The following DAB2IP variants were observed in gnomAD, a reference collection of about 807,000 sequenced individuals.
DAB2IP encodes the protein disabled homolog 2-interacting protein.
DAB2IP carries 28 observed loss-of-function variants against 107.2 expected under a neutral mutation model. That is an observed-to-expected ratio of 0.26 (90% CI 0.19 to 0.36). The LOEUF (loss-of-function observed/expected upper bound fraction) is 0.36, where lower values mean the gene tolerates loss of function less well. DAB2IP is among the 10% of genes least tolerant of loss of function. The probability of loss-of-function intolerance (pLI) is 1.00; values close to 1 mark genes in which losing one functional copy is unlikely to be tolerated. For synonymous variants in DAB2IP, 755 were observed against 706.4 expected (o/e 1.07, Z -1.09); for missense variants, 1,400 against 1,644.7 (o/e 0.85, Z 2.57).
chr9:121,775,039 C>T lies in DAB2IP; in HGVS notation c.3120+627C>T, dbSNP rs1401401954. ...TGAAACTCTCACTCTGCCACACACT[C>T]TGCCATCTGCTGGGGCAAGGGGATG... On this transcript the variant is annotated intron_variant, in intron 13 of 15. Transcript: ENST00000408936. Among the ~76,000 whole-genome samples, 3 of 152,236 alleles carry T rather than the reference C, an allele frequency of 2.0e-5. No homozygotes were observed. In the East Asian group the frequency reaches 5.8e-4, roughly 29 times the overall value.
At chr9:121,700,757 C>G (rs931211284) in intron 3 of DAB2IP, among the ~76,000 whole-genome samples, 2 of 152,188 alleles carry the variant, frequency 1.3e-5, no homozygotes, top group African/African-American at 4.8e-5. Context: ...CGTCCCAGAG[C>G]CGCGCTCTCC....
intron 3 of DAB2IP, among the ~76,000 whole-genome samples, chr9:121,752,255 C>T (rs994625887): frequency 7.2e-5 from 11 of 152,082 alleles, no homozygotes; most frequent in Admixed American, 3.9e-4. Context: ...AGGCCTTCTT[C>T]GTCCCTCCTC....
chr9:121,675,602 G>T (rs1833870429), intron 1 of DAB2IP, among the ~76,000 whole-genome samples: 1 of 152,210 alleles, frequency 6.6e-6, no homozygotes, highest in East Asian at 1.9e-4. Context: ...CCTTGGCTGG[G>T]TGTTGGGACC....
Position 121,701,662 on chromosome 9 carries a change from G to C in DAB2IP, c.362+2204G>C, listed in dbSNP as rs892634572. On this transcript the variant is annotated intron_variant, in intron 3 of 15. Coordinates refer to ENST00000408936, the Ensembl canonical transcript of DAB2IP. The surrounding 1 kb of genome is among the most constrained non-coding windows in gnomAD (Gnocchi z 4.7). ...TGCTGCTTTGCTTAGGAACAGATTC[G>C]TCGGCTGCTGCTGGGATGGATGGGC... is the stretch of plus-strand genomic sequence containing the variant. Among the ~76,000 whole-genome samples, 1 of 152,110 alleles carries C rather than the reference G, an allele frequency of 6.6e-6. No homozygotes were observed. The highest frequency in any genetic ancestry group is 1.5e-5 in the Non-Finnish European group (1 of 68,024).
intron 6 of DAB2IP, among the ~76,000 whole-genome samples, chr9:121,762,342 C>T (rs1044393953): frequency 1.3e-5 from 2 of 152,308 alleles, no homozygotes; most frequent in South Asian, 2.1e-4. Context: ...AGGAAGGCTG[C>T]AGTCCTGAGC....
chr9:121,653,903 G>T (rs1040006370), intron 1 of DAB2IP, among the ~76,000 whole-genome samples: 2 of 152,220 alleles, frequency 1.3e-5, no homozygotes, highest in Non-Finnish European at 2.9e-5. Flanking sequence ...CTGAACAGAA[G>T]TTATATCTGG....
intron 1 of DAB2IP, among the ~76,000 whole-genome samples, chr9:121,611,814 G>A (rs1355582770): frequency 4.0e-5 from 6 of 151,676 alleles, no homozygotes; most frequent in Non-Finnish European, 4.4e-5. Flanking sequence ...CAAACTCCTG[G>A]CCTCAAGTGA....
chr9:121,619,481 AT>A (rs1257936676), intron 1 of DAB2IP, among the ~76,000 whole-genome samples: 4 of 152,232 alleles, frequency 2.6e-5, no homozygotes, highest in African/African-American at 9.6e-5. Flanking sequence ...AGTGAGCTGC[AT>A]GGCCCCTGCC....
chr9:121,756,819 T>TG (rs1164820126), intron 3 of DAB2IP, among the ~76,000 whole-genome samples, 194 bp from the exon 4 acceptor site: 1 of 152,202 alleles, frequency 6.6e-6, no homozygotes. Context: ...GCCAGACTCT[T>TG]GCAGTCGGGA....
chr9:121,725,776 G>T (rs562743379), intron 3 of DAB2IP, among the ~76,000 whole-genome samples: 2 of 152,304 alleles, frequency 1.3e-5, no homozygotes, highest in East Asian at 3.9e-4. Context: ...CTGGGCACGG[G>T]GCGGCTATGT....
chr9:121,657,975 C>T (rs538933280), intron 1 of DAB2IP, among the ~76,000 whole-genome samples: 7 of 152,214 alleles, frequency 4.6e-5, no homozygotes, highest in Admixed American at 3.3e-4. Context: ...ACGAGAAATC[C>T]GGGTCTGGAA....
intron 3 of DAB2IP, among the ~76,000 whole-genome samples, chr9:121,718,527 C>T (rs895932916): frequency 1.3e-5 from 2 of 152,172 alleles, no homozygotes; most frequent in Non-Finnish European, 2.9e-5. Flanking sequence ...TCCCCTGAGC[C>T]ACCAGGCCCT....
At chr9:121,774,611 C>T (rs998216963) in intron 13 of DAB2IP, among the ~76,000 whole-genome samples, 199 bp downstream of exon 13, 26 of 152,158 alleles carry the variant, frequency 1.7e-4, no homozygotes, top group Non-Finnish European at 5.9e-5. Flanking sequence ...GGATTAGCAG[C>T]TTAGACCTGA....
intron 3 of DAB2IP, among the ~76,000 whole-genome samples, chr9:121,732,253 G>A (rs1422476007): frequency 2.6e-5 from 4 of 152,164 alleles, no homozygotes; most frequent in Non-Finnish European, 4.4e-5. Flanking sequence ...CTGCTTGTTC[G>A]AGTAAATTTA....
At chr9:121,581,817 G>A (rs190608101) in intron 1 of DAB2IP, among the ~76,000 whole-genome samples, 1 of 152,156 alleles carries the variant, frequency 6.6e-6, no homozygotes, top group Admixed American at 6.5e-5. Flanking sequence ...GGAGAGATTC[G>A]AGCAGAGGAG....
At chr9:121,601,905 T>TGTGTGC (rs1048851514) in intron 1 of DAB2IP, among the ~76,000 whole-genome samples, 2 of 144,938 alleles carry the variant, frequency 1.4e-5, no homozygotes, top group Non-Finnish European at 3.1e-5. Context: ...TGTGTGTGTG[T>TGTGTGC]GCGCGTGCGT....
intron 3 of DAB2IP, chr9:121,752,751 G>T (rs1474471591): frequency 1.3e-5 from 2 of 152,258 alleles, no homozygotes; most frequent in Non-Finnish European, 2.9e-5. Flanking sequence ...TGAATCCCGT[G>T]TGGTCTCAAG....
intron 14 of DAB2IP, among the ~76,000 whole-genome samples, chr9:121,779,684 C>T (rs1835453003): frequency 6.6e-6 from 1 of 152,226 alleles, no homozygotes; most frequent in Non-Finnish European, 1.5e-5. Context: ...CGTCACTGCA[C>T]TCTCACTGGT....
At chr9:121,675,005 A>G (rs1833837535) in intron 1 of DAB2IP, among the ~76,000 whole-genome samples, 1 of 151,776 alleles carries the variant, frequency 6.6e-6, no homozygotes, top group African/African-American at 2.4e-5. Context: ...TCTGCCAACC[A>G]GGTTCCATAA....
Sources: allele counts gnomAD v4.1 joint callset (sites outside exome capture counted in the v4.1 genomes callset), GRCh38; gene constraint gnomAD v4.1.1; non-coding constraint Gnocchi (gnomAD v3.1); transcripts MANE v1.5; gene names NCBI Gene and HGNC (gene_info 2026-07-23, HGNC 2026-07-21).